The following DNAAF5 variants were observed in gnomAD, a reference collection of about 807,000 sequenced individuals.
DNAAF5 encodes HEAT repeat containing 2.
DNAAF5 carries 64 observed loss-of-function variants against 75.8 expected under a neutral mutation model. The ratio of observed to expected loss-of-function variants is 0.84; its 90% CI spans 0.69 to 1.04. The LOEUF (loss-of-function observed/expected upper bound fraction) is 1.04. DNAAF5 is among the 50% of genes least tolerant of loss of function. The pLI is 0.00. For missense variants in DNAAF5, 1,269 were observed against 1,178.5 expected (o/e 1.08, Z -1.12); for synonymous variants, 657 against 557.2 (o/e 1.18, Z -2.52).
intron 4 of DNAAF5, among the ~76,000 whole-genome samples, chr7:742,407 CA>C (rs11411774): frequency 0.76 from 89,387 of 117,378 alleles, 34,392 homozygotes; most frequent in Middle Eastern, 0.85. Flanking sequence ...CAGCCCAAAT[CA>C]AGACGCCCAG....
rs1782026528 is a variant in DNAAF5 at position 744,713 on chromosome 7, A to T, written c.1024+3248A>T. Among the ~76,000 whole-genome samples, 3 of 152,216 alleles carry T rather than the reference A, an allele frequency of 2.0e-5. 1 individual carries two copies. In the South Asian group the frequency reaches 6.2e-4, roughly 31 times the overall value. ...ACTTTTACACTGTTGGTGGGACTGT[A>T]AACTAGTTCAACCATTGTGGAAGTC... On this transcript the variant is annotated intron_variant, in intron 4 of 12. Transcript: ENST00000297440.
chr7:764,541 G>A (rs747226158), intron 8 of DNAAF5, among the ~76,000 whole-genome samples: 4 of 152,176 alleles, frequency 2.6e-5, no homozygotes, highest in Non-Finnish European at 4.4e-5. Context: ...AACTCGCCGC[G>A]GTAGCTCTTC....
chr7:729,281 C>A lies in DNAAF5; in HGVS notation c.596-382C>A, dbSNP rs538720123. On this transcript the variant is annotated intron_variant, in intron 1 of 12. Coordinates refer to ENST00000297440, the MANE Select transcript of DNAAF5 (RefSeq NM_017802.4). ...GGTGGGGCTGGGAGTGTGGCCTCGCCTCTGTCTTCTGGGCTCGGCTTCTTT... is the reference window on the plus strand; with the variant it reads ...GGTGGGGCTGGGAGTGTGGCCTCGCATCTGTCTTCTGGGCTCGGCTTCTTT... Among the ~76,000 whole-genome samples the A allele has an allele frequency of 1.2e-4, 18 of 152,316 alleles. No homozygotes were observed. In the South Asian group the frequency reaches 2.7e-3, roughly 23 times the overall value.
At chr7:763,724 G>A in intron 7 of DNAAF5, 82 bp from the exon 8 acceptor site, 1 of 1,468,446 alleles carries the variant, frequency 6.8e-7, no homozygotes, top group South Asian at 1.2e-5. Context: ...TTACGCGTGA[G>A]GGGGATAGTG....
In DNAAF5 at chr7:762,005, C is replaced by A. The variant is rs949121222; in HGVS notation, c.1614+109C>A. 8.6e-6 allele frequency: 10 copies of A among 1,169,464 alleles called. No homozygotes were observed. In the African/African-American group the frequency reaches 1.1e-4, roughly 13 times the overall value. The allele number at this position is 1,169,464 out of a possible 1,614,324, so 72.4% of individuals were successfully genotyped here. On this transcript the variant is annotated intron_variant, in intron 7 of 12. Transcript: ENST00000297440. ...ATGCATCCCCTCTGTGCTTGACCAG[C>A]AAAGACCAGGGATTGAGAACCTTGC...
chr7:736,857 G>T (rs1385457691), intron 2 of DNAAF5, among the ~76,000 whole-genome samples: 1 of 151,702 alleles, frequency 6.6e-6, no homozygotes, highest in Non-Finnish European at 1.5e-5. Context: ...TTGTGTGTGT[G>T]TGTATCTGTT....
rs559752618 is a variant in DNAAF5 at position 766,785 on chromosome 7, G to A, written c.1783+2811G>A. Among the ~76,000 whole-genome samples, 16 of 151,930 alleles carry A rather than the reference G, an allele frequency of 1.1e-4. No homozygotes were observed. In the East Asian group the frequency reaches 1.4e-3, roughly 13 times the overall value. ...TGATTGTACCACTGCACTCCAGCCC[G>A]GACAACAGAGAGAGACCATGATTCC... On this transcript the variant is annotated intron_variant, in intron 8 of 12. Transcript: ENST00000297440.
At chr7:757,102 C>A in intron 6 of DNAAF5, 108 bp downstream of exon 6, 3 of 1,096,932 alleles carry the variant, frequency 2.7e-6, no homozygotes, top group Non-Finnish European at 2.6e-6. Flanking sequence ...CCAGGCTGGG[C>A]TGTCGGAAGC....
intron 2 of DNAAF5, among the ~76,000 whole-genome samples, chr7:733,000 AG>A (rs1263712384): frequency 6.6e-6 from 1 of 152,162 alleles, no homozygotes; most frequent in Non-Finnish European, 1.5e-5. Flanking sequence ...CTGCATATGG[AG>A]TTCCAGTTTT....
Position 726,851 on chromosome 7 carries a change from C to T in DNAAF5, c.131C>T (p.Pro44Leu). 2 of 1,319,038 alleles carry T rather than the reference C, an allele frequency of 1.5e-6. No homozygotes were observed. The highest frequency in any genetic ancestry group is 1.9e-6 in the Non-Finnish European group (2 of 1,037,378). 81.7% of individuals were successfully genotyped at this position (1,319,038 alleles called of 1,614,324 possible). A position where few individuals can be genotyped will look rare whatever the true frequency, so the allele number is the denominator to read the frequency against. Reference protein sequence around the residue: ...LLPGLEADSKPGRRRALEALR... With the variant: ...LLPGLEADSKLGRRRALEALR... The stretch of plus-strand genomic sequence containing the variant: ...CCGGGGCTGGAGGCCGACAGCAAGC[C>T]GGGCCGGCGGCGCGCCTTGGAGGCC... The change falls in exon 1 of 13, where the codon CCG (proline) becomes CTG (leucine). Residue 44 changes from proline (P) to leucine (L), a missense_variant. Pro to Leu is a moderately conservative substitution (Grantham distance 98). Coordinates refer to ENST00000297440, the MANE Select transcript of DNAAF5 (RefSeq NM_017802.4).
chr7:780,826 C>G (rs4352740), intron 12 of DNAAF5, among the ~76,000 whole-genome samples: 1 of 131,268 alleles, frequency 7.6e-6, no homozygotes, highest in South Asian at 2.5e-4. Context: ...TTTTTTTTTT[C>G]TTTTTTTTTT....
chr7:749,230 A>G (rs1782214901), intron 4 of DNAAF5, among the ~76,000 whole-genome samples: 1 of 152,176 alleles, frequency 6.6e-6, no homozygotes, highest in Admixed American at 6.5e-5. Flanking sequence ...GTATCTGACA[A>G]TCACACTGCC....
At chr7:784,589 C>A (rs917517443) in intron 12 of DNAAF5, among the ~76,000 whole-genome samples, 2 of 152,288 alleles carry the variant, frequency 1.3e-5, no homozygotes, top group African/African-American at 4.8e-5. Context: ...ATCACACACA[C>A]CACCACGAGC....
intron 2 of DNAAF5, among the ~76,000 whole-genome samples, chr7:739,484 A>G (rs1781838086): frequency 6.6e-6 from 1 of 152,128 alleles, no homozygotes; most frequent in African/African-American, 2.4e-5. Context: ...CTTAGTTGTT[A>G]TCTGGGCATT....
At chr7:746,542 CT>C (rs1195793513) in intron 4 of DNAAF5, among the ~76,000 whole-genome samples, 3 of 147,310 alleles carry the variant, frequency 2.0e-5, no homozygotes, top group African/African-American at 7.6e-5. Flanking sequence ...TGTGTCATCC[CT>C]TTCCCCCGCC....
intron 2 of DNAAF5, among the ~76,000 whole-genome samples, chr7:739,100 TGCCCC>T (rs1583480249): frequency 9.8e-6 from 1 of 101,714 alleles, no homozygotes; most frequent in East Asian, 3.5e-4. Context: ...CCACGCCCTC[TGCCCC>T]ATCACTGTAT....
intron 2 of DNAAF5, among the ~76,000 whole-genome samples, chr7:740,048 G>C (rs1181351027): frequency 6.6e-6 from 1 of 152,136 alleles, no homozygotes; most frequent in African/African-American, 2.4e-5. Flanking sequence ...TGGCCTCACA[G>C]GGGACAGCTC....
At chr7:746,899 T>G (rs1281356447) in intron 4 of DNAAF5, among the ~76,000 whole-genome samples, 3 of 152,182 alleles carry the variant, frequency 2.0e-5, no homozygotes, top group Admixed American at 6.5e-5. Context: ...TGCATGAGGT[T>G]GTGGGAGCGT....
chr7:776,572 C>T (rs1778766798), intron 11 of DNAAF5, among the ~76,000 whole-genome samples: 2 of 152,124 alleles, frequency 1.3e-5, no homozygotes, highest in Admixed American at 6.5e-5. Context: ...GGCCGGGCCA[C>T]CCTGCAGCAG....
Sources: gnomAD v4.1 joint callset for allele counts (sites outside exome capture counted in the v4.1 genomes callset) on GRCh38, gnomAD v4.1.1 for gene constraint, MANE v1.5 for transcripts, NCBI Gene and HGNC (gene_info 2026-07-23, HGNC 2026-07-21) for gene names.